The following HDAC9 variants were observed in gnomAD, a reference collection of about 807,000 sequenced individuals.
HDAC9 encodes the protein MEF-2 interacting transcription repressor (MITR) protein.
Under a neutral mutation model 139.4 loss-of-function variants are expected in HDAC9, and 41 were observed. That is an observed-to-expected ratio of 0.29 (90% CI 0.23 to 0.38). The LOEUF (loss-of-function observed/expected upper bound fraction) is 0.38, where lower values mean the gene tolerates loss of function less well. Among genes scored for constraint, HDAC9 ranks in the 10% least tolerant of loss-of-function variants. HDAC9 has a pLI of 1.00. For missense variants in HDAC9, 1,147 were observed against 1,297.0 expected, an observed-to-expected ratio of 0.88 and a Z score of 1.78; for synonymous variants, 517 against 476.2, an observed-to-expected ratio of 1.09 and a Z score of -1.12.
At chr7:18,357,604 A>G (rs1783423202) in intron 1 of HDAC9, among the ~76,000 whole-genome samples, 1 of 151,686 alleles carries the variant, frequency 6.6e-6, no homozygotes, top group Admixed American at 6.6e-5. Flanking sequence ...TTCTAAGAAA[A>G]AAAAGGTCAG....
At chr7:18,736,967 G>A (rs945854713) in intron 13 of HDAC9, among the ~76,000 whole-genome samples, 4 of 152,138 alleles carry the variant, frequency 2.6e-5, no homozygotes, top group South Asian at 4.1e-4. Flanking sequence ...TCTTGAGAAG[G>A]TTTATGTGTC....
intron 12 of HDAC9, among the ~76,000 whole-genome samples, chr7:18,707,556 G>A (rs774029824): frequency 2.6e-5 from 4 of 152,164 alleles, no homozygotes; most frequent in Non-Finnish European, 4.4e-5. Flanking sequence ...AATATAGTCG[G>A]AATATATGAA....
At chr7:18,617,809 T>C (rs1839073197) in intron 6 of HDAC9, among the ~76,000 whole-genome samples, 1 of 152,166 alleles carries the variant, frequency 6.6e-6, no homozygotes, top group African/African-American at 2.4e-5. Context: ...ATATATGCAC[T>C]AAAATAGGAA....
At chr7:18,418,703 A>G (rs989057953) in intron 1 of HDAC9, among the ~76,000 whole-genome samples, 2 of 152,146 alleles carry the variant, frequency 1.3e-5, no homozygotes, top group African/African-American at 4.8e-5. Flanking sequence ...ATTGAATTTT[A>G]ATATGAAAGC....
At chr7:18,608,312 A>C (rs1376085719) in intron 6 of HDAC9, among the ~76,000 whole-genome samples, 1 of 152,134 alleles carries the variant, frequency 6.6e-6, no homozygotes, top group Non-Finnish European at 1.5e-5. Flanking sequence ...GGACTGGCTT[A>C]AGAACCATGT....
At chr7:18,175,778 C>G (rs866232215) in intron 2 of HDAC9, among the ~76,000 whole-genome samples, 2 of 142,692 alleles carry the variant, frequency 1.4e-5, no homozygotes, top group Admixed American at 1.4e-4. Flanking sequence ...ACCCCCCCCC[C>G]CCTTTTTTTA....
At chr7:18,714,213 G>A (rs1238480139) in intron 12 of HDAC9, among the ~76,000 whole-genome samples, 2 of 152,154 alleles carry the variant, frequency 1.3e-5, no homozygotes, top group East Asian at 1.9e-4. Context: ...TTTTAATAAC[G>A]TCATTTAATT....
At chr7:18,558,183 T>C (rs962138758) in intron 2 of HDAC9, among the ~76,000 whole-genome samples, 1 of 152,166 alleles carries the variant, frequency 6.6e-6, no homozygotes, top group African/African-American at 2.4e-5. Context: ...TAATGGTTAG[T>C]CTTCTCATGT....
At chr7:18,457,693 G>C (rs1217916992) in intron 1 of HDAC9, among the ~76,000 whole-genome samples, 1 of 152,160 alleles carries the variant, frequency 6.6e-6, no homozygotes, top group Non-Finnish European at 1.5e-5. Context: ...ATTTGATGTT[G>C]TTGAGGCATT....
At chr7:18,177,601 C>G (rs889181804) in intron 2 of HDAC9, among the ~76,000 whole-genome samples, 1 of 152,258 alleles carries the variant, frequency 6.6e-6, no homozygotes, top group South Asian at 2.1e-4. Context: ...AGCTCCTACT[C>G]CATTCTTCTG....
chr7:18,758,179 G>A (rs1043998678), intron 14 of HDAC9, among the ~76,000 whole-genome samples: 10 of 152,114 alleles, frequency 6.6e-5, no homozygotes, highest in Non-Finnish European at 1.3e-4. Context: ...TTTAAGACCC[G>A]TATTGACTCC....
At chr7:18,499,916 T>C (rs1056585485) in intron 2 of HDAC9, among the ~76,000 whole-genome samples, 2 of 152,154 alleles carry the variant, frequency 1.3e-5, no homozygotes, top group African/African-American at 2.4e-5. Flanking sequence ...TTATGTCTAC[T>C]TGAAAAGCAG....
intron 2 of HDAC9, among the ~76,000 whole-genome samples, chr7:18,547,390 C>A (rs1026719335): frequency 1.3e-5 from 2 of 152,198 alleles, no homozygotes; most frequent in African/African-American, 2.4e-5. Context: ...CACCTGCAAC[C>A]CCGCCCGGCT....
chr7:18,958,442 T>C (rs1783308571), intron 24 of HDAC9, among the ~76,000 whole-genome samples: 1 of 152,138 alleles, frequency 6.6e-6, no homozygotes, highest in South Asian at 2.1e-4. Flanking sequence ...CTATTCACCA[T>C]AGCCAAGAGA....
At chr7:18,498,092 A>G (rs1382619716) in intron 2 of HDAC9, among the ~76,000 whole-genome samples, 1 of 152,178 alleles carries the variant, frequency 6.6e-6, no homozygotes, top group Admixed American at 6.6e-5. Flanking sequence ...TAGCTATTAA[A>G]TGAAAAGTGA....
chr7:18,579,760 A>T (rs1827187485), intron 2 of HDAC9, among the ~76,000 whole-genome samples: 1 of 152,050 alleles, frequency 6.6e-6, no homozygotes, highest in Admixed American at 6.5e-5. Flanking sequence ...TAATTGGCAT[A>T]TACCAATTTG....
At chr7:18,168,121 A>C (rs1788131509) in intron 2 of HDAC9, among the ~76,000 whole-genome samples, 1 of 152,252 alleles carries the variant, frequency 6.6e-6, no homozygotes, top group Non-Finnish European at 1.5e-5. Context: ...GGAACTCTGC[A>C]GAAAATGGGA....
intron 1 of HDAC9, among the ~76,000 whole-genome samples, chr7:18,129,344 T>C (rs1462588624): frequency 6.6e-6 from 1 of 152,160 alleles, no homozygotes; most frequent in Non-Finnish European, 1.5e-5. Flanking sequence ...TGTTATAATG[T>C]GTCTTTCTCT....
chr7:18,599,057 C>T (rs369896674), intron 6 of HDAC9, among the ~76,000 whole-genome samples: 85 of 152,300 alleles, frequency 5.6e-4, no homozygotes, highest in Middle Eastern at 3.4e-3. Flanking sequence ...TTTTGTTGTT[C>T]ATCGTAGGAG....
Sources: allele counts gnomAD v4.1 joint callset (sites outside exome capture counted in the v4.1 genomes callset), GRCh38; gene constraint gnomAD v4.1.1; transcripts MANE v1.5; gene names NCBI Gene and HGNC (gene_info 2026-07-23, HGNC 2026-07-21).